ANKRD13A: variants seen among roughly 807,000 people sequenced by gnomAD.
ANKRD13A encodes the protein ankyrin repeat domain 13A, also known as ankyrin repeat domain-containing protein 13A.
A neutral mutation model predicts 81.3 loss-of-function variants in ANKRD13A; 48 were observed. That is an observed-to-expected ratio of 0.59 (90% confidence interval 0.47 to 0.75). The LOEUF is 0.75. Among genes scored for constraint, ANKRD13A ranks in the 30% least tolerant of loss-of-function variants. The pLI, the probability that ANKRD13A is intolerant of heterozygous loss-of-function variation, is 0.00. For synonymous variants in ANKRD13A, 230 were observed against 270.1 expected (o/e 0.85, Z 1.45); for missense variants, 612 against 734.0 (o/e 0.83, Z 1.92).
At chr12:110,011,394 T>C (rs1890516447) in intron 1 of ANKRD13A, among the ~76,000 whole-genome samples, 1 of 152,196 alleles carries the variant, frequency 6.6e-6, no homozygotes. Flanking sequence ...CCTATTTCTT[T>C]GTGAGTAGAT....
chr12:110,037,659 C>G lies in ANKRD13A; in HGVS notation c.*105C>G. Reference sequence around the variant, plus strand: ...TAAGGGCCTGCACCTTGCGTGCATGCAGCAGGCAACAACTGCCCCTTCTTT... The same window carrying G: ...TAAGGGCCTGCACCTTGCGTGCATGGAGCAGGCAACAACTGCCCCTTCTTT... On this transcript the variant is annotated 3_prime_UTR_variant, in exon 15 of 15. Coordinates refer to ENST00000261739, the MANE Select transcript of ANKRD13A (RefSeq NM_033121.2). The G allele has an allele frequency of 8.6e-7, 1 of 1,156,200 alleles. No homozygotes were observed. Among genetic ancestry groups the G allele is most frequent in the Non-Finnish European group, 1.2e-6 (1 of 833,216 alleles). 71.6% of individuals were successfully genotyped at this position (1,156,200 alleles called of 1,614,324 possible). A position where few individuals can be genotyped will look rare whatever the true frequency, so the allele number is the denominator to read the frequency against.
chr12:110,031,870 C>A (rs985532495), intron 12 of ANKRD13A, among the ~76,000 whole-genome samples: 13 of 149,102 alleles, frequency 8.7e-5, no homozygotes, highest in Non-Finnish European at 1.6e-4. Context: ...AATTTTTTAT[C>A]TTTTTTTTTT....
Position 110,018,603 on chromosome 12 carries a change from G to GT in ANKRD13A, c.544+122dup, listed in dbSNP as rs964221752. The GT allele has an allele frequency of 1.4e-5, 17 of 1,238,028 alleles. No individual in the cohort carries two copies. Among genetic ancestry groups the GT allele is most frequent in the African/African-American group, 6.2e-5 (4 of 64,920 alleles). 76.7% of individuals were successfully genotyped at this position (1,238,028 alleles called of 1,614,324 possible). A position where few individuals can be genotyped will look rare whatever the true frequency, so the allele number is the denominator to read the frequency against. On this transcript the variant is annotated intron_variant, in intron 5 of 14. Coordinates refer to ENST00000261739, the MANE Select transcript of ANKRD13A (RefSeq NM_033121.2). The surrounding 1 kb of genome is among the most constrained non-coding windows in gnomAD (Gnocchi z 4.4). Reference sequence around the variant, plus strand: ...TTCTGTCTGATCCTTCCTAGGGCATGTTTTTTTGGTTATTCTTATTAATTA... The same window carrying GT: ...TTCTGTCTGATCCTTCCTAGGGCATGTTTTTTTTGGTTATTCTTATTAATTA...
intron 1 of ANKRD13A, among the ~76,000 whole-genome samples, chr12:110,006,907 C>A (rs1890270434): frequency 6.6e-6 from 1 of 152,122 alleles, no homozygotes; most frequent in South Asian, 2.1e-4. Flanking sequence ...AAATTTTGTT[C>A]TTTTGCATGT....
chr12:110,024,131 AAT>A lies in ANKRD13A; in HGVS notation c.801+21_801+22del. The A allele has an allele frequency of 6.3e-7, 1 of 1,577,978 alleles. No individual in the cohort carries two copies. The highest frequency in any genetic ancestry group is 2.2e-5 in the East Asian group (1 of 44,702). On this transcript the variant is annotated intron_variant, in intron 7 of 14. Transcript: ENST00000261739. The stretch of plus-strand genomic sequence containing the variant: ...AGCAAAGGTAAAAGGAAACTCTTAA[AAT>A]AAGATTTAATATAGCTATTTAGCTT...
Position 110,036,373 on chromosome 12 carries a change from G to C in ANKRD13A, c.1577+45G>C, listed in dbSNP as rs1452232295. The C allele has an allele frequency of 1.3e-6, 2 of 1,589,140 alleles. No individual in the cohort carries two copies. The highest frequency in any genetic ancestry group is 1.7e-6 in the Non-Finnish European group (2 of 1,157,604). On this transcript the variant is annotated intron_variant, in intron 14 of 14. Transcript: ENST00000261739. The surrounding 1 kb of genome is among the most constrained non-coding windows in gnomAD (Gnocchi z 4.6). Reference sequence around the variant, plus strand: ...CTGGAATAAACCAGGGTGAACACAGGCCTGGACACAGGCGAGCAGACGCGT... The same window carrying C: ...CTGGAATAAACCAGGGTGAACACAGCCCTGGACACAGGCGAGCAGACGCGT...
intron 4 of ANKRD13A, among the ~76,000 whole-genome samples, chr12:110,017,670 A>G (rs1264467283): frequency 1.3e-5 from 2 of 152,214 alleles, no homozygotes; most frequent in Non-Finnish European, 2.9e-5. Flanking sequence ...GCGGTGGCTC[A>G]TGCCTGTAAT....
chr12:110,009,471 T>C (rs1411676749), intron 1 of ANKRD13A, among the ~76,000 whole-genome samples: 1 of 152,232 alleles, frequency 6.6e-6, no homozygotes, highest in African/African-American at 2.4e-5. Flanking sequence ...GTCTTCTCTC[T>C]TTTTTCCCTG....
intron 6 of ANKRD13A, among the ~76,000 whole-genome samples, chr12:110,020,075 T>C (rs565924374): frequency 6.6e-6 from 1 of 152,060 alleles, no homozygotes; most frequent in Non-Finnish European, 1.5e-5. Flanking sequence ...ACATCCAGCT[T>C]TCTGCAAGCC....
intron 9 of ANKRD13A, chr12:110,027,990 C>A (rs1566060246): frequency 1.8e-6 from 1 of 549,452 alleles, no homozygotes; most frequent in East Asian, 3.0e-5. Context: ...AAATCAGGTG[C>A]TTTCCCTCTT....
At chr12:110,010,975 C>T (rs1429544661) in intron 1 of ANKRD13A, among the ~76,000 whole-genome samples, 1 of 152,152 alleles carries the variant, frequency 6.6e-6, no homozygotes, top group African/African-American at 2.4e-5. Context: ...CATGGTGGCT[C>T]ATGCCTTTAA....
rs779444239 is a variant in ANKRD13A, at chr12:110,037,492, C to T, written c.1711C>T (p.Arg571Trp). 2.2e-5 allele frequency: 36 copies of T among 1,614,024 alleles called. No individual in the cohort carries two copies. The highest frequency in any genetic ancestry group is 5.5e-5 in the South Asian group (5 of 91,088). Residue 571 changes from arginine (R) to tryptophan (W), a missense_variant, in exon 15 of 15, where the codon CGG becomes TGG. Arg to Trp is a moderately radical substitution (Grantham distance 101, BLOSUM62 -3). Transcript: ENST00000261739. Reference protein sequence around the residue: ...SAKELEEWELRLQEEEAELQQ... With the variant: ...SAKELEEWELWLQEEEAELQQ... ...CAAAGAGCTGGAGGAATGGGAGCTC[C>T]GGCTCCAGGAGGAAGAGGCTGAGCT...
intron 1 of ANKRD13A, among the ~76,000 whole-genome samples, chr12:110,009,151 G>A (rs2137093199): frequency 6.6e-6 from 1 of 152,028 alleles, no homozygotes; most frequent in South Asian, 2.1e-4. Flanking sequence ...GCACAATCTC[G>A]GCTCACCACA....
At chr12:110,021,139 C>G in intron 6 of ANKRD13A, 1 of 457,068 alleles carries the variant, frequency 2.2e-6, no homozygotes, top group Non-Finnish European at 4.4e-6. Context: ...AACTCTTTTG[C>G]AACTGACAGT....
chr12:110,035,111 C>T (rs1242201263), intron 13 of ANKRD13A, among the ~76,000 whole-genome samples: 2 of 152,162 alleles, frequency 1.3e-5, no homozygotes, highest in African/African-American at 4.8e-5. Context: ...AGCATGTTCC[C>T]TTTGGGAGGC....
At chr12:110,015,165 C>T (rs1259169953) in intron 3 of ANKRD13A, among the ~76,000 whole-genome samples, 2 of 152,204 alleles carry the variant, frequency 1.3e-5, no homozygotes, top group Non-Finnish European at 1.5e-5. Flanking sequence ...CTAAACAGGG[C>T]TGCTGTGGTA....
At chr12:110,008,739 G>T (rs2137091754) in intron 1 of ANKRD13A, among the ~76,000 whole-genome samples, 2 of 152,230 alleles carry the variant, frequency 1.3e-5, no homozygotes, top group South Asian at 4.1e-4. Flanking sequence ...ACATAAATTA[G>T]CCAGGTGTGG....
chr12:110,020,386 C>A (rs1480344614), intron 6 of ANKRD13A, among the ~76,000 whole-genome samples: 1 of 152,150 alleles, frequency 6.6e-6, no homozygotes, highest in Admixed American at 6.5e-5. Flanking sequence ...TGTGTTTAGT[C>A]AAGCATAAAA....
At chr12:110,030,075 A>G (rs1891585918) in intron 11 of ANKRD13A, among the ~76,000 whole-genome samples, 1 of 152,102 alleles carries the variant, frequency 6.6e-6, no homozygotes, top group African/African-American at 2.4e-5. Flanking sequence ...ACTCATGAAG[A>G]GTATTAATTT....
Sources: allele counts gnomAD v4.1 joint callset (sites outside exome capture counted in the v4.1 genomes callset), GRCh38; gene constraint gnomAD v4.1.1; non-coding constraint Gnocchi (gnomAD v3.1); transcripts MANE v1.5; gene names NCBI Gene and HGNC (gene_info 2026-07-23, HGNC 2026-07-21).